The following ACBD3 variants were observed in gnomAD, a reference collection of about 807,000 sequenced individuals.
ACBD3 encodes Golgi resident protein GCP60.
A neutral mutation model predicts 66.9 loss-of-function variants in ACBD3; 30 were observed. The ratio of observed to expected loss-of-function variants is 0.45; its 90% CI spans 0.34 to 0.61. The LOEUF (loss-of-function observed/expected upper bound fraction) is 0.61, where lower values mean the gene tolerates loss of function less well. Ranked by LOEUF, ACBD3 falls within the 20% of genes least tolerant of loss-of-function variation. The pLI is 0.02. For synonymous variants in ACBD3, 278 were observed against 259.8 expected (o/e 1.07, Z -0.68); for missense variants, 544 against 664.5 (o/e 0.82, Z 1.99).
At position 226,146,365 on chromosome 1, in the gene ACBD3, C is replaced by A; in HGVS notation, c.*245G>T. 1 of 459,300 alleles carries A rather than the reference C, an allele frequency of 2.2e-6. No individual in the cohort carries two copies. The highest frequency in any genetic ancestry group is 3.9e-6 in the Non-Finnish European group (1 of 255,128). 28.5% of individuals were successfully genotyped at this position (459,300 alleles called of 1,614,324 possible). A position where few individuals can be genotyped will look rare whatever the true frequency, so the allele number is the denominator to read the frequency against. On this transcript the variant is annotated 3_prime_UTR_variant, in exon 8 of 8. Transcript: ENST00000366812. The stretch of plus-strand genomic sequence containing the variant: ...CATGTAGCTCATGTAACTTCAGCAT[C>A]CACTAGTGACTCTGCTGGTCAGCAC...
At chr1:226,146,934 C>T in intron 7 of ACBD3, 113 bp from the exon 8 acceptor site, 1 of 1,043,942 alleles carries the variant, frequency 9.6e-7, no homozygotes, top group Non-Finnish European at 1.4e-6. Context: ...CTCTGTCACC[C>T]AGGATGGAGT....
In ACBD3 at chr1:226,145,834, C is replaced by CCAAAA. The variant is rs71574561; in HGVS notation, c.*771_*775dup. ...TTTCAATTTGAGATACTCTATGAAGCCAAAACAAAACAAAACAAAACAAAA... is the reference window on the plus strand; with the variant it reads ...TTTCAATTTGAGATACTCTATGAAGCCAAAACAAAACAAAACAAAACAAAACAAAA... On this transcript the variant is annotated 3_prime_UTR_variant, in exon 8 of 8. Transcript: ENST00000366812. 8.0e-4 allele frequency: 122 copies of CCAAAA among 151,606 alleles called. No individual in the cohort carries two copies. Among genetic ancestry groups the CCAAAA allele is most frequent in the African/African-American group, 2.5e-3 (104 of 41,318 alleles). The allele number at this position is 151,606 out of a possible 1,614,324, so 9.4% of individuals were successfully genotyped here. A position where few individuals can be genotyped will look rare whatever the true frequency, so the allele number is the denominator to read the frequency against.
chr1:226,185,908 C>T (rs946424416), intron 1 of ACBD3, among the ~76,000 whole-genome samples: 1 of 152,110 alleles, frequency 6.6e-6, no homozygotes, highest in Non-Finnish European at 1.5e-5. Context: ...TTTATGGTTC[C>T]CAAGAATGGC....
chr1:226,150,197 T>G (rs564545747), intron 7 of ACBD3, among the ~76,000 whole-genome samples: 2 of 151,626 alleles, frequency 1.3e-5, no homozygotes, highest in Non-Finnish European at 2.9e-5. Context: ...TACCTGGGAC[T>G]ACAGGTACAT....
intron 1 of ACBD3, among the ~76,000 whole-genome samples, chr1:226,169,558 ATTTTTTT>A (rs71168969): frequency 7.6e-5 from 4 of 52,340 alleles, no homozygotes; most frequent in Non-Finnish European, 9.5e-5. Flanking sequence ...CTGCCTGGCT[ATTTTTTT>A]TTTTTTTTTT....
rs1342848280 is a variant in ACBD3, at chr1:226,186,481, A to G, written c.195T>C (p.Ala65=). 2.0e-6 allele frequency: 3 copies of G among 1,491,596 alleles called. No homozygotes were observed. Among genetic ancestry groups the G allele is most frequent in the Non-Finnish European group, 2.7e-6 (3 of 1,122,964 alleles). 92.4% of individuals were successfully genotyped at this position (1,491,596 alleles called of 1,614,324 possible). Residue 65 remains alanine (A), a synonymous_variant, in exon 1 of 8, where the codon GCT becomes GCC. Coordinates refer to ENST00000366812, the MANE Select transcript of ACBD3 (RefSeq NM_022735.4). ...GEQPEPGEAA[A]GGAAEEARRL... is the part of the protein sequence containing the mutation. Reference sequence around the variant, plus strand: ...GCCGCGCCTCCTCCGCCGCGCCCCCAGCCGCCGCCTCCCCGGGCTCGGGCT... The same window carrying G: ...GCCGCGCCTCCTCCGCCGCGCCCCCGGCCGCCGCCTCCCCGGGCTCGGGCT...
chr1:226,162,092 G>A (rs1659784381), intron 3 of ACBD3, among the ~76,000 whole-genome samples: 1 of 152,200 alleles, frequency 6.6e-6, no homozygotes, highest in South Asian at 2.1e-4. Context: ...ATGCTCCATA[G>A]GGGAAGAGAC....
intron 1 of ACBD3, among the ~76,000 whole-genome samples, chr1:226,184,018 C>G (rs1196605779): frequency 1.3e-5 from 2 of 151,672 alleles, no homozygotes; most frequent in Non-Finnish European, 2.9e-5. Flanking sequence ...GGTGAAACCT[C>G]GTCTCTACGA....
intron 3 of ACBD3, among the ~76,000 whole-genome samples, chr1:226,163,517 T>C (rs1244263477): frequency 6.6e-6 from 1 of 152,190 alleles, no homozygotes; most frequent in Admixed American, 6.5e-5. Context: ...AAAAATTTCT[T>C]TGGATAAATA....
chr1:226,164,724 C>T, intron 3 of ACBD3, 65 bp downstream of exon 3: 2 of 1,486,818 alleles, frequency 1.3e-6, no homozygotes, highest in Non-Finnish European at 1.8e-6. Flanking sequence ...AGACACTCTA[C>T]AAAACAAAAG....
intron 1 of ACBD3, among the ~76,000 whole-genome samples, chr1:226,171,085 C>G (rs755368117): frequency 1.8e-4 from 27 of 151,234 alleles, no homozygotes; most frequent in Non-Finnish European, 3.5e-4. Flanking sequence ...GCCAACTTGT[C>G]TCTTTATTTC....
At position 226,161,547 on chromosome 1, in the gene ACBD3, G is replaced by C; in HGVS notation, c.712C>G (p.Arg238Gly). The C allele has an allele frequency of 6.2e-7, 1 of 1,613,290 alleles. No homozygotes were observed. Among genetic ancestry groups the C allele is most frequent in the Non-Finnish European group, 8.5e-7 (1 of 1,179,896 alleles). The stretch of plus-strand genomic sequence containing the variant: ...TAAACTTACTTTTGCTGCTCCAACC[G>C]AAGCCTTTCTTCTTCTATCCGTCTC... ...ERRRIEEERL[R>G]LEQQKQQIMA... Residue 238 changes from arginine to glycine, a missense_variant, in exon 4 of 8, where the codon CGG becomes GGG. This residue lies in a region of ACBD3 where 383 missense variants were observed against 462.4 expected (regional missense o/e 0.83). Transcript: ENST00000366812.
chr1:226,170,094 A>G (rs1659963699), intron 1 of ACBD3, among the ~76,000 whole-genome samples: 2 of 150,226 alleles, frequency 1.3e-5, no homozygotes, highest in African/African-American at 2.4e-5. Flanking sequence ...TATGCTGCCA[A>G]TGATTCAAGA....
At chr1:226,170,409 C>T (rs4376699) in intron 1 of ACBD3, among the ~76,000 whole-genome samples, 3,788 of 147,746 alleles carry the variant, frequency 0.026, 57 homozygotes, top group Non-Finnish European at 0.04. Context: ...CTCCTGACCT[C>T]GTGATCTGCC....
chr1:226,175,823 T>G (rs1656018694), intron 1 of ACBD3, among the ~76,000 whole-genome samples: 1 of 152,216 alleles, frequency 6.6e-6, no homozygotes, highest in Non-Finnish European at 1.5e-5. Flanking sequence ...CCTTTTCAAT[T>G]GCTCTGGTTT....
chr1:226,166,773 C>G (rs1341878085), intron 1 of ACBD3, among the ~76,000 whole-genome samples: 2 of 152,064 alleles, frequency 1.3e-5, no homozygotes, highest in Non-Finnish European at 2.9e-5. Context: ...AAGTGTGGAC[C>G]ACCATGCCTA....
At chr1:226,151,076 G>C (rs991977046) in intron 7 of ACBD3, among the ~76,000 whole-genome samples, 5 of 152,236 alleles carry the variant, frequency 3.3e-5, no homozygotes, top group African/African-American at 9.6e-5. Flanking sequence ...AGAGGCCCCA[G>C]GGTGTTGCAT....
intron 1 of ACBD3, among the ~76,000 whole-genome samples, chr1:226,180,833 T>C (rs748939854): frequency 3.0e-4 from 45 of 152,136 alleles, no homozygotes; most frequent in Non-Finnish European, 6.0e-4. Context: ...ACCCTGTCTG[T>C]ACTAAAAATA....
At chr1:226,183,771 C>T (rs1013938110) in intron 1 of ACBD3, among the ~76,000 whole-genome samples, 1 of 151,782 alleles carries the variant, frequency 6.6e-6, no homozygotes, top group Non-Finnish European at 1.5e-5. Flanking sequence ...GTAATCTCAG[C>T]TACTCGGGAG....
Sources: gnomAD v4.1 joint callset for allele counts (sites outside exome capture counted in the v4.1 genomes callset) on GRCh38, gnomAD v4.1.1 for gene constraint, gnomAD v4.1.1 regional missense constraint, MANE v1.5 for transcripts, NCBI Gene and HGNC (gene_info 2026-07-23, HGNC 2026-07-21) for gene names.